The following ZNRF3 variants were observed in gnomAD, a reference collection of about 807,000 sequenced individuals.
ZNRF3 encodes E3 ubiquitin-protein ligase ZNRF3.
In ZNRF3, 23 loss-of-function variants were observed where a neutral mutation model predicts 72.5. That is an observed-to-expected ratio of 0.32 (90% CI 0.23 to 0.45). The LOEUF is 0.45. Among genes scored for constraint, ZNRF3 ranks in the 20% least tolerant of loss-of-function variants. The pLI, the probability that ZNRF3 is intolerant of heterozygous loss-of-function variation, is 1.00. For missense variants in ZNRF3, 1,169 were observed against 1,272.1 expected (o/e 0.92, Z 1.23); for synonymous variants, 610 against 545.3 (o/e 1.12, Z -1.65).
intron 1 of ZNRF3, among the ~76,000 whole-genome samples, chr22:28,916,972 C>T (rs2034417973): frequency 6.6e-6 from 1 of 152,150 alleles, no homozygotes; most frequent in Non-Finnish European, 1.5e-5. Flanking sequence ...TGGCCCCACA[C>T]AGCTGTTAGG....
intron 2 of ZNRF3, among the ~76,000 whole-genome samples, chr22:29,004,343 C>G (rs1474101738): frequency 6.6e-6 from 1 of 152,148 alleles, no homozygotes; most frequent in South Asian, 2.1e-4. Flanking sequence ...TTTTCTCTCC[C>G]GTTAAATTGG....
chr22:28,944,817 T>C (rs1246974212), intron 1 of ZNRF3, among the ~76,000 whole-genome samples: 5 of 150,294 alleles, frequency 3.3e-5, no homozygotes, highest in African/African-American at 1.2e-4. Flanking sequence ...TCCCAGCTAC[T>C]CTGGAGGCTG....
intron 1 of ZNRF3, among the ~76,000 whole-genome samples, chr22:28,945,317 GT>G (rs1191980656): frequency 2.0e-5 from 3 of 152,138 alleles, no homozygotes; most frequent in African/African-American, 7.2e-5. Flanking sequence ...CATCTAGATT[GT>G]TTGAGGATAC....
intron 2 of ZNRF3, among the ~76,000 whole-genome samples, chr22:29,042,222 A>G (rs996144622): frequency 2.0e-5 from 3 of 152,238 alleles, no homozygotes; most frequent in Admixed American, 2.0e-4. Context: ...GGTAATTCGC[A>G]TATCCATTAT....
intron 2 of ZNRF3, among the ~76,000 whole-genome samples, chr22:29,000,830 C>A (rs747418432): frequency 6.6e-6 from 1 of 152,080 alleles, no homozygotes; most frequent in African/African-American, 2.4e-5. Context: ...TGGGATGCTT[C>A]TAGGCTGGGG....
intron 2 of ZNRF3, among the ~76,000 whole-genome samples, chr22:29,006,763 A>G (rs10483153): frequency 0.015 from 2,337 of 152,306 alleles, 46 homozygotes; most frequent in South Asian, 0.058. Flanking sequence ...GATTCTGGAA[A>G]AGGTTTCTAA....
intron 2 of ZNRF3, among the ~76,000 whole-genome samples, chr22:29,010,844 A>G (rs1335664310): frequency 6.6e-6 from 1 of 151,886 alleles, no homozygotes; most frequent in Non-Finnish European, 1.5e-5. Context: ...TAATTTTTCT[A>G]TTTTTAGTAG....
In ZNRF3 at chr22:29,056,707, A is replaced by G. The variant is rs1240245816; in HGVS notation, c.*3085A>G. On this transcript the variant is annotated 3_prime_UTR_variant, in exon 9 of 9. Transcript: ENST00000544604. Reference sequence around the variant, plus strand: ...ACCCAGCCCTGGCTGTAGGACAGCCATATACAGTGAAGAGTTCTAGAACCA... The same window carrying G: ...ACCCAGCCCTGGCTGTAGGACAGCCGTATACAGTGAAGAGTTCTAGAACCA... 5 of 152,224 alleles carry G rather than the reference A, an allele frequency of 3.3e-5. No individual in the cohort carries two copies. The East Asian group carries it at 9.6e-4, about 29-fold the overall frequency. The allele number at this position is 152,224 out of a possible 1,614,324, so 9.4% of individuals were successfully genotyped here. A position where few individuals can be genotyped will look rare whatever the true frequency, so the allele number is the denominator to read the frequency against.
intron 2 of ZNRF3, among the ~76,000 whole-genome samples, chr22:28,994,099 C>G (rs901924471): frequency 2.6e-5 from 4 of 151,022 alleles, no homozygotes; most frequent in African/African-American, 4.9e-5. Flanking sequence ...ACCAAAAGCA[C>G]TAAACCAGGT....
intron 1 of ZNRF3, among the ~76,000 whole-genome samples, chr22:28,968,687 C>T (rs921332096): frequency 6.6e-6 from 1 of 152,114 alleles, no homozygotes; most frequent in Non-Finnish European, 1.5e-5. Flanking sequence ...CCAGCCTGGG[C>T]GATAAGAGTG....
At chr22:28,909,038 C>T (rs754675556) in intron 1 of ZNRF3, among the ~76,000 whole-genome samples, 3 of 151,802 alleles carry the variant, frequency 2.0e-5, no homozygotes, top group Non-Finnish European at 2.9e-5. Context: ...TGGGATTACA[C>T]GTGCACGCTG....
intron 2 of ZNRF3, among the ~76,000 whole-genome samples, chr22:29,020,800 T>TGG (rs1187507946): frequency 1.3e-5 from 2 of 150,862 alleles, no homozygotes; most frequent in African/African-American, 4.9e-5. Flanking sequence ...TGTGTGTGTG[T>TGG]GTGTGTGTGT....
intron 2 of ZNRF3, among the ~76,000 whole-genome samples, chr22:29,021,776 C>A (rs771532455): frequency 6.6e-6 from 1 of 152,174 alleles, no homozygotes; most frequent in African/African-American, 2.4e-5. Flanking sequence ...GCGTAAGCCA[C>A]CGTGCCCGGC....
intron 1 of ZNRF3, among the ~76,000 whole-genome samples, chr22:28,963,496 A>C (rs2035403569): frequency 1.3e-5 from 2 of 152,196 alleles, no homozygotes; most frequent in Non-Finnish European, 2.9e-5. Flanking sequence ...CACAGGCTCA[A>C]GCGTTAAAAG....
At chr22:28,920,396 G>A (rs949722973) in intron 1 of ZNRF3, among the ~76,000 whole-genome samples, 1 of 151,916 alleles carries the variant, frequency 6.6e-6, no homozygotes, top group Non-Finnish European at 1.5e-5. Flanking sequence ...TCAGTCTCCT[G>A]AGTGGCTGGG....
At chr22:28,888,968 A>C (rs994138892) in intron 1 of ZNRF3, among the ~76,000 whole-genome samples, 1 of 152,184 alleles carries the variant, frequency 6.6e-6, no homozygotes, top group African/African-American at 2.4e-5. Context: ...AAAAAAAATT[A>C]GCCAGGTGTG....
intron 2 of ZNRF3, among the ~76,000 whole-genome samples, chr22:29,021,241 T>A (rs200780803): frequency 0.015 from 2,322 of 151,584 alleles, 35 homozygotes; most frequent in South Asian, 0.049. Context: ...TCAAAAAAAA[T>A]AAATAAATAA....
At chr22:28,972,027 C>T (rs1461406747) in intron 1 of ZNRF3, among the ~76,000 whole-genome samples, 1 of 152,154 alleles carries the variant, frequency 6.6e-6, no homozygotes, top group Admixed American at 6.5e-5. Context: ...CATCACATGA[C>T]TCCACTGGTG....
intron 2 of ZNRF3, chr22:28,993,066 G>A (rs574342050): frequency 1.3e-5 from 2 of 152,260 alleles, no homozygotes; most frequent in African/African-American, 4.8e-5. Flanking sequence ...AAAGAGTTTG[G>A]TCTTCATTCT....
Sources: gnomAD v4.1 joint callset for allele counts (sites outside exome capture counted in the v4.1 genomes callset) on GRCh38, gnomAD v4.1.1 for gene constraint, MANE v1.5 for transcripts, NCBI Gene and HGNC (gene_info 2026-07-23, HGNC 2026-07-21) for gene names.